The following LRRK1 variants were observed in gnomAD, a reference collection of about 807,000 sequenced individuals.
LRRK1 encodes the protein leucine rich repeat kinase 1, also known as leucine-rich repeat serine/threonine-protein kinase 1.
In LRRK1, 113 loss-of-function variants were observed where a neutral mutation model predicts 209.1. The ratio of observed to expected loss-of-function variants is 0.54; its 90% CI spans 0.46 to 0.63. LRRK1 has a LOEUF of 0.63. Ranked by LOEUF, LRRK1 falls within the 30% of genes least tolerant of loss-of-function variation. The probability of loss-of-function intolerance (pLI) is 0.00; values close to 1 mark genes in which losing one functional copy is unlikely to be tolerated. For missense variants in LRRK1, 2,284 were observed against 2,632.2 expected (o/e 0.87, Z 2.89); for synonymous variants, 1,144 against 1,099.7 (o/e 1.04, Z -0.80).
rs768518027 is a variant in LRRK1 at position 101,053,302 on chromosome 15, C to T, written c.3936C>T (p.His1312=). 21 of 1,605,762 alleles carry T rather than the reference C, an allele frequency of 1.3e-5. No individual in the cohort carries two copies. In the East Asian group the frequency reaches 1.3e-4, roughly 10 times the overall value. ...SEFRQEASML[H]ALQHPCIVAL... ...TCCGGCAGGAGGCCAGCATGCTGCA[C>T]GCGCTGCAGCACCCCTGCATCGTGG... Residue 1312 remains histidine, a synonymous_variant, in exon 26 of 34, where the codon CAC becomes CAT. Coordinates refer to ENST00000388948, the MANE Select transcript of LRRK1 (RefSeq NM_024652.6).
rs200398832 is a variant in LRRK1, at chr15:101,046,193, G to T, written c.3135+41G>T. 522 of 1,594,968 alleles carry T rather than the reference G, an allele frequency of 3.3e-4. 2 individuals carry two copies. The highest frequency in any genetic ancestry group is 2.4e-5 in the Non-Finnish European group (28 of 1,167,238). On this transcript the variant is annotated intron_variant, in intron 21 of 33. Coordinates refer to ENST00000388948, the MANE Select transcript of LRRK1 (RefSeq NM_024652.6). ...TTTCTGCATAGACAGATGCCCGAGA[G>T]CCACCTACAGTTGTACCACTGGGGG...
intron 2 of LRRK1, among the ~76,000 whole-genome samples, chr15:100,959,068 G>A (rs1288208899): frequency 6.6e-6 from 1 of 152,148 alleles, no homozygotes; most frequent in Non-Finnish European, 1.5e-5. Context: ...GGGTTGGAGG[G>A]GGATGTGTGG....
intron 3 of LRRK1, among the ~76,000 whole-genome samples, chr15:100,978,599 A>C (rs993472483): frequency 2.6e-5 from 4 of 152,256 alleles, no homozygotes; most frequent in Non-Finnish European, 5.9e-5. Context: ...CAGATATCAA[A>C]AAGATAATAA....
chr15:101,000,395 C>T (rs2032626482), intron 6 of LRRK1, among the ~76,000 whole-genome samples: 2 of 152,238 alleles, frequency 1.3e-5, no homozygotes, highest in African/African-American at 4.8e-5. Context: ...ATGTTCCCAG[C>T]TCTCTGGTCC....
chr15:100,972,784 C>T (rs1403009160), intron 2 of LRRK1, among the ~76,000 whole-genome samples: 2 of 152,154 alleles, frequency 1.3e-5, no homozygotes, highest in Admixed American at 6.5e-5. Context: ...GCTATCACTC[C>T]ACACAGTCAG....
intron 2 of LRRK1, among the ~76,000 whole-genome samples, chr15:100,957,300 T>C (rs1409925565): frequency 6.6e-6 from 1 of 152,238 alleles, no homozygotes; most frequent in Non-Finnish European, 1.5e-5. Context: ...CATATGTCTG[T>C]TAGGTCTATT....
At chr15:100,989,610 G>A (rs2032051212) in intron 6 of LRRK1, 2 of 590,288 alleles carry the variant, frequency 3.4e-6, no homozygotes, top group Non-Finnish European at 6.0e-6. Flanking sequence ...CTGAGAGAGG[G>A]AAGAACTCAC....
intron 6 of LRRK1, among the ~76,000 whole-genome samples, chr15:101,007,009 GAGAC>G (rs945415260): frequency 4.6e-5 from 7 of 152,244 alleles, no homozygotes; most frequent in African/African-American, 7.2e-5. Context: ...TGTGAACAGA[GAGAC>G]AGACAGACAG....
intron 29 of LRRK1, among the ~76,000 whole-genome samples, chr15:101,060,894 C>G (rs968714065): frequency 7.2e-5 from 11 of 152,220 alleles, no homozygotes; most frequent in Admixed American, 4.6e-4. Context: ...ATATGGCCGG[C>G]GGGAGGGCCC....
chr15:100,972,630 T>A (rs1222373456), intron 2 of LRRK1, among the ~76,000 whole-genome samples: 1 of 152,082 alleles, frequency 6.6e-6, no homozygotes, highest in Non-Finnish European at 1.5e-5. Flanking sequence ...TAGTCGGACT[T>A]GTAGAGAATC....
At chr15:101,015,240 C>A in intron 11 of LRRK1, 86 bp from the exon 12 acceptor site, 1 of 1,053,050 alleles carries the variant, frequency 9.5e-7, no homozygotes, top group South Asian at 1.4e-5. Context: ...CTCCCTATCT[C>A]CGTGGCTTGG....
At position 100,962,823 on chromosome 15, in the gene LRRK1, A is replaced by ATATATTTTTT; in HGVS notation, c.98-10980_98-10979insATATTTTTTT. 7.8e-4 allele frequency among the ~76,000 whole-genome samples: 9 copies of ATATATTTTTT among 11,548 alleles called. 1 individual carries two copies. The highest frequency in any genetic ancestry group is 2.0e-3 in the African/African-American group (8 of 3,962). The allele number at this position is 11,548 out of a possible 152,430, so 7.6% of individuals were successfully genotyped here. A position where few individuals can be genotyped will look rare whatever the true frequency, so the allele number is the denominator to read the frequency against. On this transcript the variant is annotated intron_variant, in intron 2 of 33. Coordinates refer to ENST00000388948, the MANE Select transcript of LRRK1 (RefSeq NM_024652.6). ...TATATATATATATATATATATATAT[A>ATATATTTTTT]TTTTTTTTTTTTTTTTTGAGATGGA...
intron 31 of LRRK1, 61 bp from the exon 32 acceptor site, chr15:101,065,291 G>T (rs1190795134): frequency 6.4e-7 from 1 of 1,567,840 alleles, no homozygotes; most frequent in South Asian, 1.2e-5. Context: ...TGCCTACTCT[G>T]TGTCTCTCTT....
At chr15:100,967,981 G>A (rs1012762621) in intron 2 of LRRK1, among the ~76,000 whole-genome samples, 1 of 152,190 alleles carries the variant, frequency 6.6e-6, no homozygotes, top group Non-Finnish European at 1.5e-5. Flanking sequence ...ACTGTGTAAT[G>A]AAAACTCCAG....
intron 2 of LRRK1, among the ~76,000 whole-genome samples, chr15:100,931,829 C>A (rs1165531364): frequency 1.3e-5 from 2 of 152,180 alleles, no homozygotes; most frequent in Non-Finnish European, 2.9e-5. Context: ...TCTCCTGGTG[C>A]CTGACTCCTC....
At chr15:101,001,293 G>C (rs577468249) in intron 6 of LRRK1, among the ~76,000 whole-genome samples, 1 of 152,030 alleles carries the variant, frequency 6.6e-6, no homozygotes, top group South Asian at 2.1e-4. Context: ...GCTTGTGGGC[G>C]TCGGTGCACA....
intron 10 of LRRK1, among the ~76,000 whole-genome samples, chr15:101,013,703 GT>G (rs938799446): frequency 2.6e-5 from 4 of 152,230 alleles, no homozygotes; most frequent in Admixed American, 6.5e-5. Context: ...TGGTGACTGG[GT>G]TCCCTGCAGG....
In LRRK1 at chr15:100,970,618, C is replaced by G. The variant is rs150633992; in HGVS notation, c.98-3186C>G. Among the ~76,000 whole-genome samples the G allele has an allele frequency of 7.7e-3, 1,173 of 152,318 alleles. 18 individuals carry two copies. Among genetic ancestry groups the G allele is most frequent in the African/African-American group, 0.027 (1,128 of 41,562 alleles). ...GTCTTGAAATCAGGTAGTGTACATT[C>G]TCCAACTCTCTTCTTTTTCAAGATT... On this transcript the variant is annotated intron_variant, in intron 2 of 33. Transcript: ENST00000388948.
intron 2 of LRRK1, among the ~76,000 whole-genome samples, chr15:100,939,519 G>A (rs1233160447): frequency 6.6e-6 from 1 of 152,196 alleles, no homozygotes; most frequent in African/African-American, 2.4e-5. Flanking sequence ...TCTCTCTGAT[G>A]TTTAGAGTTT....
Sources: gnomAD v4.1 joint callset for allele counts (sites outside exome capture counted in the v4.1 genomes callset) on GRCh38, gnomAD v4.1.1 for gene constraint, MANE v1.5 for transcripts, NCBI Gene and HGNC (gene_info 2026-07-23, HGNC 2026-07-21) for gene names.